PTPN4: variants seen among roughly 807,000 people sequenced by gnomAD.
The protein encoded by PTPN4 is tyrosine-protein phosphatase non-receptor type 4.
Under a neutral mutation model 135.5 loss-of-function variants are expected in PTPN4, and 49 were observed. The ratio of observed to expected loss-of-function variants is 0.36; its 90% CI spans 0.29 to 0.46. The LOEUF (loss-of-function observed/expected upper bound fraction) is 0.46, where lower values mean the gene tolerates loss of function less well. Ranked by LOEUF, PTPN4 falls within the 20% of genes least tolerant of loss-of-function variation. The pLI is 1.00. For synonymous variants in PTPN4, 333 were observed against 369.9 expected (o/e 0.90, Z 1.14); for missense variants, 860 against 1,101.0 (o/e 0.78, Z 3.10).
chr2:119,874,010 T>C (rs1431648609), intron 3 of PTPN4, among the ~76,000 whole-genome samples: 1 of 152,206 alleles, frequency 6.6e-6, no homozygotes, highest in East Asian at 1.9e-4. Context: ...ACACAGATGT[T>C]CATAGCAACA....
intron 2 of PTPN4, among the ~76,000 whole-genome samples, chr2:119,823,301 C>A (rs1677097809): frequency 6.7e-6 from 1 of 150,292 alleles, no homozygotes; most frequent in Non-Finnish European, 1.5e-5. Context: ...GTGGCTCGAT[C>A]TCCGCTCACT....
At chr2:119,795,496 A>G (rs888914793) in intron 1 of PTPN4, among the ~76,000 whole-genome samples, 1 of 152,214 alleles carries the variant, frequency 6.6e-6, no homozygotes, top group Non-Finnish European at 1.5e-5. Context: ...GGGGGCTGGC[A>G]TGTCAGTACT....
Position 119,844,283 on chromosome 2 carries a change from A to AC in PTPN4, c.139-18246dup, listed in dbSNP as rs1167693562. On this transcript the variant is annotated intron_variant, in intron 2 of 26. Coordinates refer to ENST00000263708, the MANE Select transcript of PTPN4 (RefSeq NM_002830.4). Reference sequence around the variant, plus strand: ...GGGCGGCTGGCCGGGCGGAGGGCTCACCCCCCCACCTCCCTCCCGGACGGG... The same window carrying AC: ...GGGCGGCTGGCCGGGCGGAGGGCTCACCCCCCCCACCTCCCTCCCGGACGGG... 1.5e-3 allele frequency among the ~76,000 whole-genome samples: 136 copies of AC among 91,746 alleles called. 1 individual carries two copies. Among genetic ancestry groups the AC allele is most frequent in the Non-Finnish European group, 2.0e-3 (92 of 45,568 alleles). 60.2% of individuals were successfully genotyped at this position (91,746 alleles called of 152,430 possible). A position where few individuals can be genotyped will look rare whatever the true frequency, so the allele number is the denominator to read the frequency against.
chr2:119,760,733 C>CTTTTT lies in PTPN4; in HGVS notation c.-18+367_-18+371dup, dbSNP rs59953430. Among the ~76,000 whole-genome samples the CTTTTT allele has an allele frequency of 7.5e-3, 603 of 79,892 alleles. 22 individuals are homozygous for CTTTTT. Among genetic ancestry groups the CTTTTT allele is most frequent in the African/African-American group, 0.022 (430 of 19,722 alleles). 52.4% of individuals were successfully genotyped at this position (79,892 alleles called of 152,430 possible). ...GAGTTTTCCATTGCTGGTAGAATTC[C>CTTTTT]TTTTTTTTTTTTTTTTTTTTTTGGC... On this transcript the variant is annotated intron_variant, in intron 1 of 26. Transcript: ENST00000263708.
At chr2:119,877,207 G>A (rs1276853606) in intron 3 of PTPN4, 116 bp from the exon 4 acceptor site, 1 of 1,083,298 alleles carries the variant, frequency 9.2e-7, no homozygotes, top group African/African-American at 1.6e-5. Flanking sequence ...TTCCTACCTG[G>A]GCCTTTTCTG....
chr2:119,905,460 G>A (rs1489309321), intron 10 of PTPN4, among the ~76,000 whole-genome samples: 1 of 152,136 alleles, frequency 6.6e-6, no homozygotes, highest in Non-Finnish European at 1.5e-5. Context: ...TAATACTGGA[G>A]CACCCAGATA....
intron 18 of PTPN4, among the ~76,000 whole-genome samples, chr2:119,949,662 G>A (rs974550235): frequency 2.6e-5 from 4 of 152,114 alleles, no homozygotes; most frequent in African/African-American, 9.7e-5. Context: ...GCAACATAGT[G>A]AAGCTTTGTT....
At chr2:119,872,158 A>T (rs1437023469) in intron 3 of PTPN4, among the ~76,000 whole-genome samples, 1 of 152,142 alleles carries the variant, frequency 6.6e-6, no homozygotes, top group Non-Finnish European at 1.5e-5. Flanking sequence ...TAGCGTAGTG[A>T]AAGGTAAAGT....
chr2:119,911,316 G>T (rs1558762041), intron 10 of PTPN4, among the ~76,000 whole-genome samples: 1 of 152,046 alleles, frequency 6.6e-6, no homozygotes, highest in Non-Finnish European at 1.5e-5. Context: ...TCAAATGGGG[G>T]TTATTTTAAG....
At chr2:119,881,316 TC>T (rs1490926378) in intron 5 of PTPN4, among the ~76,000 whole-genome samples, 1 of 152,248 alleles carries the variant, frequency 6.6e-6, no homozygotes, top group African/African-American at 2.4e-5. Flanking sequence ...ACAGGCAGCT[TC>T]CTGCCATCTG....
intron 2 of PTPN4, among the ~76,000 whole-genome samples, chr2:119,835,209 GAGTCTC>G (rs1463078606): frequency 6.6e-6 from 1 of 151,960 alleles, no homozygotes; most frequent in Non-Finnish European, 1.5e-5. Flanking sequence ...TTTTGAGACA[GAGTCTC>G]ACTCTGTCGC....
At position 119,760,733 on chromosome 2, in the gene PTPN4, CTTTTTTT is replaced by C. The variant is rs59953430; in HGVS notation, c.-18+365_-18+371del. On this transcript the variant is annotated intron_variant, in intron 1 of 26. Coordinates refer to ENST00000263708, the MANE Select transcript of PTPN4 (RefSeq NM_002830.4). ...GAGTTTTCCATTGCTGGTAGAATTC[CTTTTTTT>C]TTTTTTTTTTTTTTTGGCTCATATG... 2.6e-4 allele frequency among the ~76,000 whole-genome samples: 21 copies of C among 79,918 alleles called. 1 individual carries two copies. Among genetic ancestry groups the C allele is most frequent in the South Asian group, 5.7e-4 (1 of 1,752 alleles). The allele number at this position is 79,918 out of a possible 152,430, so 52.4% of individuals were successfully genotyped here.
At chr2:119,912,924 A>G (rs1338348518) in intron 10 of PTPN4, among the ~76,000 whole-genome samples, 1 of 152,150 alleles carries the variant, frequency 6.6e-6, no homozygotes, top group Non-Finnish European at 1.5e-5. Flanking sequence ...ACTAATCACT[A>G]TCATATATCT....
chr2:119,788,998 G>A lies in PTPN4; in HGVS notation c.-17-20839G>A, dbSNP rs567871414. On this transcript the variant is annotated intron_variant, in intron 1 of 26. Coordinates refer to ENST00000263708, the MANE Select transcript of PTPN4 (RefSeq NM_002830.4). ...TCATTTTTTGAGGAACAACTCTACT[G>A]TTTTCCACAGTGGGTGCACCATTTA... Among the ~76,000 whole-genome samples the A allele has an allele frequency of 2.5e-3, 384 of 151,832 alleles. 1 individual carries two copies. The highest frequency in any genetic ancestry group is 9.0e-3 in the African/African-American group (375 of 41,446).
rs534240188 is a variant in PTPN4, at chr2:119,930,764, T to C, written c.1071-1660T>C. Among the ~76,000 whole-genome samples the C allele has an allele frequency of 9.5e-4, 144 of 152,212 alleles. 1 individual carries two copies. Among genetic ancestry groups the C allele is most frequent in the Non-Finnish European group, 1.4e-3 (94 of 67,966 alleles). On this transcript the variant is annotated intron_variant, in intron 13 of 26. Coordinates refer to ENST00000263708, the MANE Select transcript of PTPN4 (RefSeq NM_002830.4). ...ATCATTATGTATCAGAATTCTAATG[T>C]TATTAAGTTTTAATGTAATCAGATG...
chr2:119,826,119 A>G (rs1002461467), intron 2 of PTPN4, among the ~76,000 whole-genome samples: 1 of 152,226 alleles, frequency 6.6e-6, no homozygotes. Flanking sequence ...TCTGATGCAC[A>G]TATTCTCTGG....
chr2:119,873,825 C>A (rs1291828272), intron 3 of PTPN4, among the ~76,000 whole-genome samples: 2 of 152,150 alleles, frequency 1.3e-5, no homozygotes, highest in African/African-American at 4.8e-5. Context: ...AAAGAAAATG[C>A]AGTCTGTAAC....
At chr2:119,924,941 T>TG (rs748283244) in intron 12 of PTPN4, among the ~76,000 whole-genome samples, 1 of 152,148 alleles carries the variant, frequency 6.6e-6, no homozygotes, top group Non-Finnish European at 1.5e-5. Context: ...AACATGGTTA[T>TG]GGAGAAAAAA....
chr2:119,807,902 G>A (rs1691504106), intron 1 of PTPN4, among the ~76,000 whole-genome samples: 1 of 152,176 alleles, frequency 6.6e-6, no homozygotes. Flanking sequence ...TCATCCCTGG[G>A]ATGCAAGGCT....
Sources: allele counts gnomAD v4.1 joint callset (sites outside exome capture counted in the v4.1 genomes callset), GRCh38; gene constraint gnomAD v4.1.1; transcripts MANE v1.5; gene names NCBI Gene and HGNC (gene_info 2026-07-23, HGNC 2026-07-21).